Variants in DENND2C observed in about 807,000 individuals in gnomAD.
DENND2C encodes DENN domain-containing protein 2C.
Under a neutral mutation model 112.4 loss-of-function variants are expected in DENND2C, and 72 were observed. The ratio of observed to expected loss-of-function variants is 0.64; its 90% confidence interval spans 0.53 to 0.78. The LOEUF (loss-of-function observed/expected upper bound fraction) is 0.78. Among genes scored for constraint, DENND2C ranks in the 30% least tolerant of loss-of-function variants. The pLI is 0.00. For missense variants in DENND2C, 992 were observed against 1,113.8 expected, an observed-to-expected ratio of 0.89 and a Z score of 1.56; for synonymous variants, 329 against 381.6, an observed-to-expected ratio of 0.86 and a Z score of 1.61.
At position 114,585,644 on chromosome 1, in the gene DENND2C, A is replaced by G; in HGVS notation, c.2756-13T>C. 1 of 1,612,650 alleles carries G rather than the reference A, an allele frequency of 6.2e-7. No individual in the cohort carries two copies. Among genetic ancestry groups the G allele is most frequent in the East Asian group, 2.2e-5 (1 of 44,862 alleles). ...TTCATTTTGCTTCCTAAAGGGAAAG[A>G]AAAGTACAGTGAATGCTCAATTCAT... On this transcript the variant is annotated splice_polypyrimidine_tract_variant and intron_variant, in intron 20 of 20. Transcript: ENST00000393274.
chr1:114,599,192 T>C, intron 16 of DENND2C, 82 bp downstream of exon 16: 1 of 1,051,108 alleles, frequency 9.5e-7, no homozygotes, highest in Non-Finnish European at 1.3e-6. Context: ...AATAACTAAA[T>C]TAATAACAAT....
intron 1 of DENND2C, among the ~76,000 whole-genome samples, chr1:114,667,309 TATC>T (rs1372718530): frequency 4.6e-5 from 7 of 152,238 alleles, no homozygotes; most frequent in South Asian, 2.1e-4. Flanking sequence ...TTACAGCTCT[TATC>T]ATGCTGAAAT....
intron 18 of DENND2C, among the ~76,000 whole-genome samples, chr1:114,588,973 T>C (rs1441301065): frequency 3.3e-5 from 5 of 152,176 alleles, no homozygotes; most frequent in Non-Finnish European, 7.3e-5. Context: ...TGTACTGTAT[T>C]AAGTGCTTCT....
At chr1:114,659,202 G>A (rs1371462013) in intron 1 of DENND2C, among the ~76,000 whole-genome samples, 1 of 152,094 alleles carries the variant, frequency 6.6e-6, no homozygotes, top group Non-Finnish European at 1.5e-5. Context: ...ATAATGCCAT[G>A]TTCAAGATGC....
intron 1 of DENND2C, among the ~76,000 whole-genome samples, chr1:114,665,697 C>T (rs999625025): frequency 6.6e-6 from 1 of 152,150 alleles, no homozygotes; most frequent in Non-Finnish European, 1.5e-5. Context: ...GAACAGGACT[C>T]ATTTGGATGT....
intron 3 of DENND2C, among the ~76,000 whole-genome samples, chr1:114,630,040 C>T (rs995939845): frequency 6.6e-6 from 1 of 152,108 alleles, no homozygotes; most frequent in Non-Finnish European, 1.5e-5. Context: ...ACTGGCTGGG[C>T]GTGGTGGCTC....
At chr1:114,614,960 G>C (rs1328969100) in intron 8 of DENND2C, among the ~76,000 whole-genome samples, 23 of 151,760 alleles carry the variant, frequency 1.5e-4, no homozygotes, top group Non-Finnish European at 4.4e-5. Flanking sequence ...GTTGCAGTGA[G>C]CCGAGATCGC....
At chr1:114,629,940 G>C (rs893660232) in intron 3 of DENND2C, among the ~76,000 whole-genome samples, 1 of 152,138 alleles carries the variant, frequency 6.6e-6, no homozygotes. Flanking sequence ...AAATAACTTG[G>C]AAGAATTTGG....
At chr1:114,594,338 A>T (rs1026158905) in intron 18 of DENND2C, 135 bp downstream of exon 18, 10 of 682,334 alleles carry the variant, frequency 1.5e-5, no homozygotes, top group Admixed American at 2.7e-5. Context: ...TAAGCAAGGA[A>T]GCTGATTATA....
chr1:114,652,650 C>T (rs1657200505), intron 2 of DENND2C, among the ~76,000 whole-genome samples: 1 of 143,768 alleles, frequency 7.0e-6, no homozygotes, highest in Admixed American at 7.3e-5. Context: ...CAACTTATAG[C>T]CTTACATTTA....
intron 1 of DENND2C, among the ~76,000 whole-genome samples, chr1:114,657,426 T>C (rs919230374): frequency 2.0e-5 from 3 of 152,228 alleles, no homozygotes; most frequent in Non-Finnish European, 4.4e-5. Context: ...TCAGACATTT[T>C]AGGTAAGTCC....
At position 114,661,046 on chromosome 1, in the gene DENND2C, G is replaced by A. The variant is rs369502607; in HGVS notation, c.-573-6285C>T. 5.3e-5 allele frequency among the ~76,000 whole-genome samples: 8 copies of A among 150,912 alleles called. No individual in the cohort carries two copies. In the South Asian group the frequency reaches 1.3e-3, roughly 24 times the overall value. On this transcript the variant is annotated intron_variant, in intron 1 of 20. Coordinates refer to ENST00000393274, the MANE Select transcript of DENND2C (RefSeq NM_001256404.2). ...GAATCGCTTGAACCCGGGAGGCGGA[G>A]GTTGCAGTGAGCCGGTATTGTGCCA...
rs1281895499 is a variant in DENND2C at position 114,664,939 on chromosome 1, A to T, written c.-574+5044T>A. 1.4e-3 allele frequency among the ~76,000 whole-genome samples: 5 copies of T among 3,452 alleles called. No individual in the cohort carries two copies. In the African/African-American group the frequency reaches 0.043, roughly 29 times the overall value. The allele number at this position is 3,452 out of a possible 152,430, so 2.3% of individuals were successfully genotyped here. ...GAAACCCCATCTCTACCAAAAATAC[A>T]AAAAATTACCCAGGCATGGTGGTGT... On this transcript the variant is annotated intron_variant, in intron 1 of 20. Coordinates refer to ENST00000393274, the MANE Select transcript of DENND2C (RefSeq NM_001256404.2).
chr1:114,593,228 C>T (rs1272133546), intron 18 of DENND2C, among the ~76,000 whole-genome samples: 1 of 152,148 alleles, frequency 6.6e-6, no homozygotes, highest in Non-Finnish European at 1.5e-5. Context: ...TTCCAACCTC[C>T]AAGTGTTGGA....
chr1:114,665,273 A>G (rs1375725396), intron 1 of DENND2C, among the ~76,000 whole-genome samples: 5 of 3,844 alleles, frequency 1.3e-3, no homozygotes, highest in African/African-American at 0.018. Context: ...TGTCTCTTGA[A>G]AAAAAAAAAA....
intron 7 of DENND2C, 45 bp from the exon 8 acceptor site, chr1:114,618,527 A>T: frequency 8.4e-7 from 1 of 1,184,926 alleles, no homozygotes; most frequent in South Asian, 1.5e-5. Flanking sequence ...AACACCCAAA[A>T]GTTTCACAGT....
intron 3 of DENND2C, among the ~76,000 whole-genome samples, chr1:114,626,510 C>CTTT (rs11412901): frequency 4.2e-4 from 52 of 122,828 alleles, no homozygotes; most frequent in African/African-American, 1.0e-3. Context: ...TAAATTAATT[C>CTTT]TTTTTTTTTT....
At chr1:114,634,217 T>A (rs1656584887) in intron 3 of DENND2C, among the ~76,000 whole-genome samples, 1 of 152,212 alleles carries the variant, frequency 6.6e-6, no homozygotes, top group South Asian at 2.1e-4. Flanking sequence ...TGATAAAACA[T>A]ATAGACAGAA....
At position 114,584,144 on chromosome 1, in the gene DENND2C, A is replaced by G. The variant is rs1214444927; in HGVS notation, c.*1456T>C. 6.6e-6 allele frequency: 1 copy of G among 152,222 alleles called. No homozygotes were observed. Among genetic ancestry groups the G allele is most frequent in the East Asian group, 1.9e-4 (1 of 5,202 alleles). 9.4% of individuals were successfully genotyped at this position (152,222 alleles called of 1,614,324 possible). A position where few individuals can be genotyped will look rare whatever the true frequency, so the allele number is the denominator to read the frequency against. On this transcript the variant is annotated 3_prime_UTR_variant, in exon 21 of 21. Transcript: ENST00000393274. ...GAAATAGCTATATAATCCTACTGAG[A>G]TGAAATTTCCATCTGTAGGACTAAC...
Sources: allele counts gnomAD v4.1 joint callset (sites outside exome capture counted in the v4.1 genomes callset), GRCh38; gene constraint gnomAD v4.1.1; transcripts MANE v1.5; gene names NCBI Gene and HGNC (gene_info 2026-07-23, HGNC 2026-07-21).